FAT3: variants seen among roughly 807,000 people sequenced by gnomAD.
FAT3 encodes the protein FAT atypical cadherin 3.
In FAT3, 95 loss-of-function variants were observed where a neutral mutation model predicts 310.2. That is an observed-to-expected ratio of 0.31 (90% confidence interval 0.26 to 0.36). The LOEUF (loss-of-function observed/expected upper bound fraction) is 0.36, where lower values mean the gene tolerates loss of function less well. Ranked by LOEUF, FAT3 falls within the 10% of genes least tolerant of loss-of-function variation. The pLI is 1.00. For synonymous variants in FAT3, 2,314 were observed against 2,192.9 expected (o/e 1.06, Z -1.54); for missense variants, 5,408 against 5,715.6 (o/e 0.95, Z 1.74).
intron 3 of FAT3, among the ~76,000 whole-genome samples, chr11:92,587,402 T>C (rs954316320): frequency 1.3e-5 from 2 of 152,094 alleles, no homozygotes; most frequent in African/African-American, 2.4e-5. Context: ...CGAATCTGCT[T>C]TTACTTTTTT....
In FAT3 at chr11:92,831,824, C is replaced by T. The variant is rs776831779; in HGVS notation, c.9684C>T (p.Asp3228=). ...CTACTGTCACCATCACCGTTCTGGA[C>T]ATTAATGACAACCCCCCTGTGTTTG... is the stretch of plus-strand genomic sequence containing the variant. The part of the protein sequence containing the change: ...SLTTVTITVL[D]INDNPPVFER... Residue 3228 remains aspartate (D), a synonymous_variant, in exon 14 of 28, where the codon GAC becomes GAT. Transcript: ENST00000525166. 2 of 1,613,730 alleles carry T rather than the reference C, an allele frequency of 1.2e-6. No homozygotes were observed. Among genetic ancestry groups the T allele is most frequent in the South Asian group, 2.2e-5 (2 of 90,978 alleles).
chr11:92,403,001 T>G (rs557482), intron 2 of FAT3, among the ~76,000 whole-genome samples: 1 of 152,070 alleles, frequency 6.6e-6, no homozygotes, highest in Admixed American at 6.5e-5. Context: ...CACTCTCCCT[T>G]TCCACCTCCA....
At chr11:92,299,819 CG>C (rs985557258) in intron 1 of FAT3, among the ~76,000 whole-genome samples, 2 of 152,060 alleles carry the variant, frequency 1.3e-5, no homozygotes, top group African/African-American at 4.8e-5. Flanking sequence ...AAGAAGCTTC[CG>C]GGTTCACTAG....
In FAT3 at chr11:92,355,133, C is replaced by T. The variant is rs1294254838; in HGVS notation, c.3021C>T (p.Asn1007=). 1 of 1,613,808 alleles carries T rather than the reference C, an allele frequency of 6.2e-7. No homozygotes were observed. The highest frequency in any genetic ancestry group is 2.2e-5 in the East Asian group (1 of 44,874). ...ATTATGAGAAACAGCAGTTCTATAA[C>T]CTTACTGTGCGGGCCAAAGACAAAG... is the stretch of plus-strand genomic sequence containing the variant. ...ELDYEKQQFY[N]LTVRAKDKGR... The change falls in exon 2 of 28, where the codon AAC becomes AAT. Residue 1007 remains asparagine (N), a synonymous_variant. Transcript: ENST00000525166.
intron 3 of FAT3, among the ~76,000 whole-genome samples, chr11:92,597,239 A>G (rs938303342): frequency 6.6e-6 from 1 of 152,208 alleles, no homozygotes; most frequent in Non-Finnish European, 1.5e-5. Context: ...TTCAAAGTAA[A>G]TGAGTACTCC....
intron 4 of FAT3, among the ~76,000 whole-genome samples, chr11:92,705,226 C>CA (rs1307637731): frequency 6.6e-6 from 1 of 152,106 alleles, no homozygotes; most frequent in Non-Finnish European, 1.5e-5. Context: ...ATAATCCCCC[C>CA]AAAAGGTTTT....
chr11:92,541,124 A>G (rs1462550988), intron 3 of FAT3, among the ~76,000 whole-genome samples: 1 of 152,170 alleles, frequency 6.6e-6, no homozygotes, highest in Middle Eastern at 3.2e-3. Context: ...CTCAACATTC[A>G]GTGTTATTTA....
intron 3 of FAT3, among the ~76,000 whole-genome samples, chr11:92,691,209 A>G (rs145613960): frequency 8.5e-4 from 129 of 152,270 alleles, no homozygotes; most frequent in African/African-American, 2.4e-3. Context: ...TAGATGAAGA[A>G]ACTGAGGCCT....
At chr11:92,490,484 T>C (rs768680160) in intron 2 of FAT3, among the ~76,000 whole-genome samples, 1 of 152,128 alleles carries the variant, frequency 6.6e-6, no homozygotes, top group Non-Finnish European at 1.5e-5. Context: ...GTGGAGACTA[T>C]CAAAAAACAT....
At chr11:92,515,953 C>G (rs1953467733) in intron 2 of FAT3, among the ~76,000 whole-genome samples, 1 of 151,924 alleles carries the variant, frequency 6.6e-6, no homozygotes, top group Non-Finnish European at 1.5e-5. Flanking sequence ...AGTTGAATCC[C>G]TGAATAGACA....
At chr11:92,613,091 A>G (rs1008418605) in intron 3 of FAT3, among the ~76,000 whole-genome samples, 2 of 152,188 alleles carry the variant, frequency 1.3e-5, no homozygotes, top group Non-Finnish European at 2.9e-5. Context: ...ACCTTCTTGG[A>G]TTCTAAGATC....
chr11:92,600,211 G>A (rs1245505982), intron 3 of FAT3, among the ~76,000 whole-genome samples: 1 of 152,126 alleles, frequency 6.6e-6, no homozygotes, highest in African/African-American at 2.4e-5. Context: ...GTTGTGAATG[G>A]AGAAGCTGTA....
intron 2 of FAT3, among the ~76,000 whole-genome samples, chr11:92,374,909 T>A (rs1023860640): frequency 6.6e-6 from 1 of 152,122 alleles, no homozygotes; most frequent in African/African-American, 2.4e-5. Context: ...GAAGAGCTGC[T>A]GTGTCAGGCA....
rs751380078 is a variant in FAT3 at position 92,831,967 on chromosome 11, G to A, written c.9827G>A (p.Arg3276Gln). 92 of 1,570,498 alleles carry A rather than the reference G, an allele frequency of 5.9e-5. No homozygotes were observed. Among genetic ancestry groups the A allele is most frequent in the Non-Finnish European group, 7.0e-5 (81 of 1,157,408 alleles). ...AATGCTGAGATCACTTATCTCATCC[G>A]GTCTGGGAACGAACAAGGGAAATTT... ...GTNAEITYLIRSGNEQGKFKI... is the reference protein window; with the variant it reads ...GTNAEITYLIQSGNEQGKFKI... The change falls in exon 14 of 28, where the codon CGG (arginine) becomes CAG (glutamine). Residue 3276 changes from arginine (R) to glutamine (Q), a missense_variant. By Grantham distance (43) the Arg-to-Gln change is conservative (BLOSUM62 1). This residue lies in a region of FAT3 where 4,588 missense variants were observed against 4,809.8 expected (regional missense o/e 0.95). Coordinates refer to ENST00000525166, the MANE Select transcript of FAT3 (RefSeq NM_001367949.2).
At chr11:92,779,361 T>C (rs1946679372) in intron 7 of FAT3, among the ~76,000 whole-genome samples, 1 of 152,064 alleles carries the variant, frequency 6.6e-6, no homozygotes, top group Non-Finnish European at 1.5e-5. Flanking sequence ...ATTGCAGGTT[T>C]GGGGCAGGAG....
At chr11:92,408,175 A>T (rs1950175101) in intron 2 of FAT3, 1 of 152,170 alleles carries the variant, frequency 6.6e-6, no homozygotes, top group African/African-American at 2.4e-5. Context: ...CTTTCCACTG[A>T]TCACATGCGA....
chr11:92,374,371 A>G (rs1949283443), intron 2 of FAT3, among the ~76,000 whole-genome samples: 1 of 152,234 alleles, frequency 6.6e-6, no homozygotes, highest in South Asian at 2.1e-4. Flanking sequence ...GCAGAAAAAT[A>G]ATGCAATTGA....
chr11:92,232,635 T>G lies in FAT3; in HGVS notation c.-18+7461T>G, dbSNP rs963160186. Reference sequence around the variant, plus strand: ...CTTGACTTCAGTGATGTCGTTTTTTTTTTTTTTTTTTTTTTTTTTGTTTAA... The same window carrying G: ...CTTGACTTCAGTGATGTCGTTTTTTGTTTTTTTTTTTTTTTTTTTGTTTAA... On this transcript the variant is annotated intron_variant, in intron 1 of 27. Coordinates refer to ENST00000525166, the MANE Select transcript of FAT3 (RefSeq NM_001367949.2). Among the ~76,000 whole-genome samples the G allele has an allele frequency of 2.0e-4, 29 of 143,474 alleles. No homozygotes were observed. In the East Asian group the frequency reaches 5.3e-3, roughly 26 times the overall value. The allele number at this position is 143,474 out of a possible 152,430, so 94.1% of individuals were successfully genotyped here. A position where few individuals can be genotyped will look rare whatever the true frequency, so the allele number is the denominator to read the frequency against.
At chr11:92,803,560 C>T (rs555798878) in intron 10 of FAT3, among the ~76,000 whole-genome samples, 1 of 152,302 alleles carries the variant, frequency 6.6e-6, no homozygotes, top group African/African-American at 2.4e-5. Flanking sequence ...GACCCTGAAG[C>T]TCCCTAGAGC....
Sources: allele counts gnomAD v4.1 joint callset (sites outside exome capture counted in the v4.1 genomes callset), GRCh38; gene constraint gnomAD v4.1.1; regional missense constraint gnomAD v4.1.1; transcripts MANE v1.5; gene names NCBI Gene and HGNC (gene_info 2026-07-23, HGNC 2026-07-21).